The following ERICH3 variants were observed in gnomAD, a reference collection of about 807,000 sequenced individuals.
The protein encoded by ERICH3 is glutamate rich 3, also known as glutamate-rich protein 3.
Under a neutral mutation model 131.1 loss-of-function variants are expected in ERICH3, and 126 were observed. The observed-to-expected ratio is 0.96, with a 90% CI of 0.83 to 1.11. ERICH3 has a LOEUF of 1.11. ERICH3 is among the 50% of genes most tolerant of loss of function. The pLI is 0.00. For synonymous variants in ERICH3, 695 were observed against 644.6 expected, an observed-to-expected ratio of 1.08 and a Z score of -1.18; for missense variants, 2,050 against 1,810.7, an observed-to-expected ratio of 1.13 and a Z score of -2.40.
intron 1 of ERICH3, among the ~76,000 whole-genome samples, chr1:74,670,571 T>C (rs1020620987): frequency 6.6e-5 from 10 of 152,216 alleles, no homozygotes; most frequent in African/African-American, 2.4e-4. Flanking sequence ...TATGCCTGTC[T>C]TTACTTTAAT....
chr1:74,623,640 G>A (rs750254322), intron 7 of ERICH3: 3 of 152,010 alleles, frequency 2.0e-5, no homozygotes, highest in South Asian at 2.1e-4. Flanking sequence ...GTCGCCCTAC[G>A]AATTAGTCTC....
chr1:74,568,975 G>C lies in ERICH3; in HGVS notation c.*1483C>G, dbSNP rs530433870. ...TTCCAGGTGATGCTGATGTGCTGATGCTTCTGATCAAGGGACCAGTCTACT... is the reference window on the plus strand; with the variant it reads ...TTCCAGGTGATGCTGATGTGCTGATCCTTCTGATCAAGGGACCAGTCTACT... On this transcript the variant is annotated 3_prime_UTR_variant, in exon 15 of 15. Transcript: ENST00000326665. 2 of 152,198 alleles carry C rather than the reference G, an allele frequency of 1.3e-5. No homozygotes were observed. The highest frequency in any genetic ancestry group is 2.9e-5 in the Non-Finnish European group (2 of 68,010). The allele number at this position is 152,198 out of a possible 1,614,324, so 9.4% of individuals were successfully genotyped here.
chr1:74,584,847 C>A (rs1423933203), intron 12 of ERICH3, among the ~76,000 whole-genome samples: 2 of 152,120 alleles, frequency 1.3e-5, no homozygotes, highest in African/African-American at 4.8e-5. Context: ...TTAGAACAAC[C>A]ACATGCTTCC....
At chr1:74,621,346 A>C (rs1570882006) in intron 7 of ERICH3, 1 of 152,838 alleles carries the variant, frequency 6.5e-6, no homozygotes, top group African/African-American at 2.4e-5. Flanking sequence ...GTTTGAACTG[A>C]CTTAGAGATT....
At chr1:74,654,561 A>G (rs529246383) in intron 1 of ERICH3, among the ~76,000 whole-genome samples, 77 of 152,206 alleles carry the variant, frequency 5.1e-4, no homozygotes, top group African/African-American at 1.8e-3. Flanking sequence ...TTGTTTACAG[A>G]TGACAGTCTT....
At chr1:74,590,522 C>T (rs1647541734) in intron 11 of ERICH3, among the ~76,000 whole-genome samples, 1 of 152,208 alleles carries the variant, frequency 6.6e-6, no homozygotes, top group Non-Finnish European at 1.5e-5. Flanking sequence ...AGCTCACAAC[C>T]TAGAACCCTG....
intron 1 of ERICH3, among the ~76,000 whole-genome samples, chr1:74,661,788 T>C (rs471338): frequency 0.25 from 37,857 of 151,992 alleles, 5,987 homozygotes; most frequent in African/African-American, 0.45. Context: ...AGGAAGAAAA[T>C]AAGAAGCAGA....
intron 10 of ERICH3, among the ~76,000 whole-genome samples, chr1:74,602,923 G>A (rs183703010): frequency 6.6e-6 from 1 of 152,036 alleles, no homozygotes; most frequent in African/African-American, 2.4e-5. Context: ...AGAAGAGATT[G>A]TGAAGAATGG....
chr1:74,630,995 G>C (rs557264609), intron 7 of ERICH3, among the ~76,000 whole-genome samples: 1 of 152,152 alleles, frequency 6.6e-6, no homozygotes, highest in African/African-American at 2.4e-5. Flanking sequence ...TGTGGACATG[G>C]GGTGAATAAG....
chr1:74,642,628 A>C (rs1646446654), intron 4 of ERICH3, among the ~76,000 whole-genome samples: 1 of 152,184 alleles, frequency 6.6e-6, no homozygotes, highest in Non-Finnish European at 1.5e-5. Flanking sequence ...CAAGGGTCAC[A>C]TTCAAATGAA....
At chr1:74,599,972 C>T in intron 10 of ERICH3, 41 bp from the exon 11 acceptor site, 5 of 1,398,028 alleles carry the variant, frequency 3.6e-6, no homozygotes, top group Middle Eastern at 3.7e-4. Flanking sequence ...GAAAATAGAA[C>T]CCCTTATACT....
chr1:74,628,680 C>T (rs1399804719), intron 7 of ERICH3, among the ~76,000 whole-genome samples: 6 of 149,788 alleles, frequency 4.0e-5, no homozygotes. Context: ...CAAGTGTCAA[C>T]TCTCCATATA....
At chr1:74,604,119 C>T (rs939195290) in intron 10 of ERICH3, among the ~76,000 whole-genome samples, 15 of 151,876 alleles carry the variant, frequency 9.9e-5, no homozygotes, top group Non-Finnish European at 2.2e-4. Context: ...TCTTTGTTGT[C>T]ATTTCAACAA....
intron 1 of ERICH3, among the ~76,000 whole-genome samples, chr1:74,670,272 A>C (rs930886024): frequency 2.0e-5 from 3 of 152,074 alleles, no homozygotes; most frequent in African/African-American, 7.2e-5. Flanking sequence ...TGTTGGTCTG[A>C]TCCAACACAA....
At chr1:74,595,058 T>G (rs1386209674) in intron 11 of ERICH3, among the ~76,000 whole-genome samples, 2 of 152,110 alleles carry the variant, frequency 1.3e-5, no homozygotes, top group African/African-American at 4.8e-5. Context: ...TCCTTCCTAT[T>G]CCTTAGTCCA....
chr1:74,673,877 C>G (rs1467396454), upstream of ERICH3: 7 of 255,124 alleles, frequency 2.7e-5, no homozygotes, highest in East Asian at 4.8e-4. Context: ...CAAGCAAGCC[C>G]CTGCTCTGTT....
rs1646341703 is a variant in ERICH3, at chr1:74,631,858, G to A, written c.674C>T (p.Pro225Leu). The stretch of plus-strand genomic sequence containing the variant: ...AGGCATCATGTAACTGTTAATGTTT[G>A]GAAGTTGATATGAATTCATTCTCTG... ...NSQRMNSYQL[P>L]NINSYMMPIP... is the part of the protein sequence containing the mutation. Residue 225 changes from proline to leucine, a missense_variant, in exon 7 of 15, where the codon CCA becomes CTA. Transcript: ENST00000326665. The A allele has an allele frequency of 6.2e-7, 1 of 1,613,502 alleles. No homozygotes were observed. The highest frequency in any genetic ancestry group is 1.7e-5 in the Admixed American group (1 of 59,958).
chr1:74,610,936 T>C (rs767491417), intron 9 of ERICH3, among the ~76,000 whole-genome samples: 4 of 152,128 alleles, frequency 2.6e-5, no homozygotes, highest in Non-Finnish European at 4.4e-5. Flanking sequence ...AAGATACTAC[T>C]CTCTCTAGGT....
rs1037672392 is a variant in ERICH3, at chr1:74,579,473, G to A, written c.2177-2537C>T. Reference sequence around the variant, plus strand: ...TTATCACCACTTGCCCACGTCTGCTGGCTTGCCCCTGGAGGATTAGCCTTC... The same window carrying A: ...TTATCACCACTTGCCCACGTCTGCTAGCTTGCCCCTGGAGGATTAGCCTTC... On this transcript the variant is annotated intron_variant, in intron 12 of 14. Transcript: ENST00000326665. The A allele has an allele frequency of 4.0e-5, 39 of 985,334 alleles. 1 individual carries two copies. The South Asian group carries it at 1.6e-3, about 42-fold the overall frequency. 61.0% of individuals were successfully genotyped at this position (985,334 alleles called of 1,614,324 possible). A position where few individuals can be genotyped will look rare whatever the true frequency, so the allele number is the denominator to read the frequency against.
Sources: allele counts gnomAD v4.1 joint callset (sites outside exome capture counted in the v4.1 genomes callset), GRCh38; gene constraint gnomAD v4.1.1; transcripts MANE v1.5; gene names NCBI Gene and HGNC (gene_info 2026-07-23, HGNC 2026-07-21).